The following CACNA2D3 variants were observed in gnomAD, a reference collection of about 807,000 sequenced individuals.
CACNA2D3 encodes the protein calcium voltage-gated channel auxiliary subunit alpha2delta 3.
CACNA2D3 carries 60 observed loss-of-function variants against 160.6 expected under a neutral mutation model. The observed-to-expected ratio is 0.37, with a 90% confidence interval of 0.30 to 0.46. The LOEUF (loss-of-function observed/expected upper bound fraction) is 0.46, where lower values mean the gene tolerates loss of function less well. CACNA2D3 is among the 20% of genes least tolerant of loss of function. The pLI, the probability that CACNA2D3 is intolerant of heterozygous loss-of-function variation, is 1.00. For missense variants in CACNA2D3, 1,205 were observed against 1,365.0 expected (o/e 0.88, Z 1.85); for synonymous variants, 558 against 492.9 (o/e 1.13, Z -1.75).
At chr3:54,217,985 G>A (rs59744637) in intron 2 of CACNA2D3, among the ~76,000 whole-genome samples, 19,022 of 151,412 alleles carry the variant, frequency 0.13, 1,695 homozygotes, top group East Asian at 0.44. Flanking sequence ...AGAGAGAGGC[G>A]TGTTAAAGAG....
chr3:54,834,502 A>G (rs1461335836), intron 14 of CACNA2D3, among the ~76,000 whole-genome samples: 3 of 152,220 alleles, frequency 2.0e-5, no homozygotes, highest in African/African-American at 4.8e-5. Flanking sequence ...TGTTAGAACC[A>G]TGTTTCCAAA....
chr3:54,247,056 A>T (rs1030682059), intron 2 of CACNA2D3, among the ~76,000 whole-genome samples: 1 of 152,220 alleles, frequency 6.6e-6, no homozygotes, highest in African/African-American at 2.4e-5. Flanking sequence ...TCACGCCTGT[A>T]GTCCCAGCAC....
chr3:54,343,801 A>T (rs1009429965), intron 3 of CACNA2D3, among the ~76,000 whole-genome samples: 16 of 152,166 alleles, frequency 1.1e-4, no homozygotes, highest in African/African-American at 3.6e-4. Flanking sequence ...GTGATTTCTA[A>T]AGAAGGACAT....
chr3:54,170,969 T>C (rs1186122470), intron 2 of CACNA2D3, among the ~76,000 whole-genome samples: 1 of 151,850 alleles, frequency 6.6e-6, no homozygotes, highest in Non-Finnish European at 1.5e-5. Context: ...TATGTATTGA[T>C]AGAGAGAGCC....
At chr3:55,070,522 C>T (rs1158407220) in intron 35 of CACNA2D3, among the ~76,000 whole-genome samples, 1 of 152,104 alleles carries the variant, frequency 6.6e-6, no homozygotes, top group African/African-American at 2.4e-5. Flanking sequence ...GCAGCGGTCA[C>T]CTATCTCTTC....
intron 27 of CACNA2D3, among the ~76,000 whole-genome samples, chr3:54,944,597 A>C (rs894519166): frequency 9.9e-5 from 15 of 151,632 alleles, no homozygotes; most frequent in Admixed American, 9.8e-4. Context: ...ATTTTTTTGT[A>C]TTTTTAGTAG....
chr3:54,394,228 C>T (rs147971851), intron 4 of CACNA2D3, among the ~76,000 whole-genome samples: 110 of 152,084 alleles, frequency 7.2e-4, no homozygotes, highest in African/African-American at 2.6e-3. Context: ...CCCAGCTCCC[C>T]GGAGCGGCCT....
intron 4 of CACNA2D3, among the ~76,000 whole-genome samples, chr3:54,428,575 T>C (rs1021348464): frequency 6.6e-6 from 1 of 152,058 alleles, no homozygotes; most frequent in African/African-American, 2.4e-5. Flanking sequence ...AACTTTGATA[T>C]ATTTCTTTTT....
intron 4 of CACNA2D3, among the ~76,000 whole-genome samples, chr3:54,440,923 C>T (rs1270850723): frequency 2.0e-5 from 3 of 152,112 alleles, no homozygotes; most frequent in African/African-American, 4.8e-5. Flanking sequence ...TCTTTGCTAT[C>T]GTGAATAGTG....
At chr3:54,419,144 C>T (rs760634873) in intron 4 of CACNA2D3, among the ~76,000 whole-genome samples, 6 of 152,176 alleles carry the variant, frequency 3.9e-5, no homozygotes, top group South Asian at 2.1e-4. Context: ...GAGTCACTTC[C>T]GCAGTAGGAA....
At chr3:54,887,864 GTAGCCT>G in intron 23 of CACNA2D3, 89 bp from the exon 24 acceptor site, 1 of 891,880 alleles carries the variant, frequency 1.1e-6, no homozygotes, top group Non-Finnish European at 1.9e-6. Context: ...GCATGAGAAA[GTAGCCT>G]GCAGATGCTG....
At chr3:55,035,854 G>A (rs1328127721) in intron 35 of CACNA2D3, among the ~76,000 whole-genome samples, 1 of 152,210 alleles carries the variant, frequency 6.6e-6, no homozygotes, top group Non-Finnish European at 1.5e-5. Context: ...TATATGTTAT[G>A]TGAAGTGGTG....
At chr3:54,261,597 A>G (rs961558987) in intron 2 of CACNA2D3, among the ~76,000 whole-genome samples, 2 of 152,172 alleles carry the variant, frequency 1.3e-5, no homozygotes, top group African/African-American at 2.4e-5. Context: ...GAACAAATAT[A>G]TGCTTCCCCA....
intron 5 of CACNA2D3, among the ~76,000 whole-genome samples, chr3:54,548,117 G>A (rs6798000): frequency 1.2e-3 from 184 of 152,320 alleles, no homozygotes; most frequent in African/African-American, 4.2e-3. Flanking sequence ...GAGGAGCTGA[G>A]AAGCTTTGCT....
intron 5 of CACNA2D3, among the ~76,000 whole-genome samples, chr3:54,560,900 A>C (rs1702313767): frequency 6.6e-6 from 1 of 151,922 alleles, no homozygotes; most frequent in Admixed American, 6.6e-5. Flanking sequence ...ATGCAGTCTT[A>C]TTTCTTTCCT....
intron 4 of CACNA2D3, among the ~76,000 whole-genome samples, chr3:54,460,127 A>G (rs940007105): frequency 2.0e-5 from 3 of 150,472 alleles, no homozygotes; most frequent in East Asian, 1.9e-4. Flanking sequence ...TGTTCCATTG[A>G]TCTATATCTC....
At chr3:54,211,344 A>G (rs1280658781) in intron 2 of CACNA2D3, among the ~76,000 whole-genome samples, 1 of 152,224 alleles carries the variant, frequency 6.6e-6, no homozygotes, top group African/African-American at 2.4e-5. Flanking sequence ...AATTTTAACC[A>G]GGTCCCTTTG....
intron 2 of CACNA2D3, among the ~76,000 whole-genome samples, chr3:54,168,602 G>C (rs770372580): frequency 6.6e-6 from 1 of 152,188 alleles, no homozygotes; most frequent in Non-Finnish European, 1.5e-5. Context: ...AGTGTTTGCT[G>C]AGGTCAGCCG....
intron 9 of CACNA2D3, among the ~76,000 whole-genome samples, chr3:54,619,564 G>A (rs977174833): frequency 3.3e-5 from 5 of 152,208 alleles, no homozygotes; most frequent in Non-Finnish European, 7.3e-5. Context: ...TTACACACAC[G>A]TAAAGGACAA....
Sources: allele counts gnomAD v4.1 joint callset (sites outside exome capture counted in the v4.1 genomes callset), GRCh38; gene constraint gnomAD v4.1.1; transcripts MANE v1.5; gene names NCBI Gene and HGNC (gene_info 2026-07-23, HGNC 2026-07-21).